Variants in FBN1 observed in about 807,000 individuals in gnomAD.
The protein encoded by FBN1 is fibrillin 1, also known as fibrillin-1.
A neutral mutation model predicts 365.1 loss-of-function variants in FBN1; 29 were observed. That is an observed-to-expected ratio of 0.08 (90% confidence interval 0.06 to 0.11). The LOEUF is 0.11. FBN1 is among the 10% of genes least tolerant of loss of function. The pLI, the probability that FBN1 is intolerant of heterozygous loss-of-function variation, is 1.00. For missense variants in FBN1, 2,476 were observed against 3,703.2 expected (o/e 0.67, Z 8.60); for synonymous variants, 1,210 against 1,270.5 (o/e 0.95, Z 1.01).
Position 48,519,942 on chromosome 15 carries a change from G to A in FBN1, c.1147+717C>T, listed in dbSNP as rs530953447. ...CTTTCTCGACTAACGAAAGTGTGCTGTATTTATGTATTTGTTTAGTTATGT... is the reference window on the plus strand; with the variant it reads ...CTTTCTCGACTAACGAAAGTGTGCTATATTTATGTATTTGTTTAGTTATGT... On this transcript the variant is annotated intron_variant, in intron 10 of 65. Transcript: ENST00000316623. 2.9e-3 allele frequency among the ~76,000 whole-genome samples: 434 copies of A among 152,256 alleles called. 2 individuals are homozygous for A. The highest frequency in any genetic ancestry group is 0.01 in the African/African-American group (424 of 41,538).
At chr15:48,576,196 C>G (rs1444605936) in intron 6 of FBN1, among the ~76,000 whole-genome samples, 1 of 152,230 alleles carries the variant, frequency 6.6e-6, no homozygotes, top group Non-Finnish European at 1.5e-5. Context: ...TCCCTCCCTT[C>G]ATGGTGAACT....
rs905895440 is a variant in FBN1 at position 48,582,308 on chromosome 15, T to C, written c.538+13975A>G. Among the ~76,000 whole-genome samples the C allele has an allele frequency of 3.3e-5, 5 of 152,234 alleles. No individual in the cohort carries two copies. The South Asian group carries it at 6.2e-4, about 19-fold the overall frequency. On this transcript the variant is annotated intron_variant, in intron 6 of 65. Coordinates refer to ENST00000316623, the MANE Select transcript of FBN1 (RefSeq NM_000138.5). ...CAGAACAGAAATAGTCTCTCCCGTG[T>C]GGAGTATAAAATTACTAATAAACTA...
intron 45 of FBN1, among the ~76,000 whole-genome samples, chr15:48,451,631 C>T (rs921460129): frequency 6.6e-6 from 1 of 152,130 alleles, no homozygotes; most frequent in Non-Finnish European, 1.5e-5. Flanking sequence ...GTTTCATTCA[C>T]AAATGCATAA....
chr15:48,570,534 G>A (rs1294326655), intron 6 of FBN1, among the ~76,000 whole-genome samples: 2 of 151,582 alleles, frequency 1.3e-5, no homozygotes, highest in Non-Finnish European at 2.9e-5. Context: ...AGGGTGAGAA[G>A]ATTATGGAGA....
At chr15:48,423,474 C>G (rs1355931959) in intron 60 of FBN1, among the ~76,000 whole-genome samples, 1 of 152,232 alleles carries the variant, frequency 6.6e-6, no homozygotes, top group Non-Finnish European at 1.5e-5. Flanking sequence ...TTCTCAGAGT[C>G]TGTGGACTGG....
At chr15:48,454,533 G>C (rs1361374171) in intron 44 of FBN1, among the ~76,000 whole-genome samples, 1 of 152,174 alleles carries the variant, frequency 6.6e-6, no homozygotes, top group East Asian at 1.9e-4. Context: ...ACATGTCCAT[G>C]CTATATCATG....
In FBN1 at chr15:48,532,453, T is replaced by A. The variant is rs74949002; in HGVS notation, c.862+1627A>T. On this transcript the variant is annotated intron_variant, in intron 8 of 65. Transcript: ENST00000316623. The stretch of plus-strand genomic sequence containing the variant: ...GTGTATATAGATATATGTGTGTCTA[T>A]ATAAAGATATGTGTGTGTGTATATG... Among the ~76,000 whole-genome samples the A allele has an allele frequency of 8.5e-3, 1,298 of 152,198 alleles. 15 individuals are homozygous for A. Among genetic ancestry groups the A allele is most frequent in the African/African-American group, 0.03 (1,228 of 41,528 alleles).
intron 17 of FBN1, among the ~76,000 whole-genome samples, chr15:48,503,033 C>T (rs1197457824): frequency 6.6e-6 from 1 of 152,064 alleles, no homozygotes; most frequent in Non-Finnish European, 1.5e-5. Flanking sequence ...GGCGCGGTGG[C>T]TCACACCTGT....
At chr15:48,429,989 T>C (rs147793085) in intron 56 of FBN1, among the ~76,000 whole-genome samples, 100 of 152,370 alleles carry the variant, frequency 6.6e-4, no homozygotes, top group African/African-American at 2.4e-3. Context: ...GTGGGTCATA[T>C]GGTCTCAGTT....
chr15:48,524,852 T>G (rs1315176256), intron 9 of FBN1, among the ~76,000 whole-genome samples: 1 of 152,228 alleles, frequency 6.6e-6, no homozygotes, highest in Non-Finnish European at 1.5e-5. Flanking sequence ...CCATGAATCT[T>G]AGTTCCCTTC....
intron 32 of FBN1, among the ~76,000 whole-genome samples, chr15:48,475,245 T>C (rs2043410043): frequency 6.6e-6 from 1 of 152,196 alleles, no homozygotes; most frequent in Non-Finnish European, 1.5e-5. Flanking sequence ...AAGCCATCTT[T>C]TCCCTAGCTT....
chr15:48,438,194 C>A (rs961661409), intron 50 of FBN1, among the ~76,000 whole-genome samples: 7 of 152,066 alleles, frequency 4.6e-5, no homozygotes, highest in Non-Finnish European at 8.8e-5. Context: ...CAATAAAATC[C>A]AAAACTGACA....
chr15:48,519,270 T>C (rs1597583053), intron 10 of FBN1, among the ~76,000 whole-genome samples: 1 of 152,172 alleles, frequency 6.6e-6, no homozygotes, highest in Non-Finnish European at 1.5e-5. Flanking sequence ...CAAGTAAAAA[T>C]TGTATATATT....
intron 57 of FBN1, 25 bp downstream of exon 57, chr15:48,428,321 A>G: frequency 3.1e-6 from 5 of 1,613,752 alleles, no homozygotes; most frequent in Non-Finnish European, 4.2e-6. Context: ...TGAGGTTAGG[A>G]AAGTGCGGTG....
At chr15:48,482,900 A>C (rs2043476309) in intron 31 of FBN1, among the ~76,000 whole-genome samples, 1 of 152,254 alleles carries the variant, frequency 6.6e-6, no homozygotes, top group Non-Finnish European at 1.5e-5. Context: ...AATATCCAGA[A>C]GGGTCTTACC....
intron 2 of FBN1, among the ~76,000 whole-genome samples, chr15:48,617,267 C>T (rs988272788): frequency 1.3e-5 from 2 of 152,024 alleles, no homozygotes; most frequent in African/African-American, 2.4e-5. Flanking sequence ...CTCCGCCTCC[C>T]GGGTTCGATA....
At chr15:48,520,471 A>T (rs530817663) in intron 10 of FBN1, among the ~76,000 whole-genome samples, 188 bp downstream of exon 10, 1 of 151,980 alleles carries the variant, frequency 6.6e-6, no homozygotes, top group Admixed American at 6.5e-5. Context: ...TGAAAACAGT[A>T]CTCTTTGTAC....
At chr15:48,578,524 T>C (rs2044366214) in intron 6 of FBN1, among the ~76,000 whole-genome samples, 1 of 152,088 alleles carries the variant, frequency 6.6e-6, no homozygotes, top group South Asian at 2.1e-4. Flanking sequence ...TTTGGGTATA[T>C]ACCCAGTAAT....
chr15:48,437,453 T>C (rs956001806), intron 51 of FBN1, 66 bp from the exon 52 acceptor site: 3 of 1,354,598 alleles, frequency 2.2e-6, no homozygotes. Flanking sequence ...TCCACAAGTA[T>C]TTTGAGGTAG....
Sources: gnomAD v4.1 joint callset for allele counts (sites outside exome capture counted in the v4.1 genomes callset) on GRCh38, gnomAD v4.1.1 for gene constraint, MANE v1.5 for transcripts, NCBI Gene and HGNC (gene_info 2026-07-23, HGNC 2026-07-21) for gene names.